The following BACH2 variants were observed in gnomAD, a reference collection of about 807,000 sequenced individuals.
The protein encoded by BACH2 is BACH transcriptional regulator 2.
A neutral mutation model predicts 61.8 loss-of-function variants in BACH2; 5 were observed. That is an observed-to-expected ratio of 0.08 (90% CI 0.04 to 0.17). The LOEUF is 0.17. BACH2 is among the 10% of genes least tolerant of loss of function. The pLI, the probability that BACH2 is intolerant of heterozygous loss-of-function variation, is 1.00. For synonymous variants in BACH2, 446 were observed against 440.1 expected (o/e 1.01, Z -0.17); for missense variants, 824 against 1,091.1 (o/e 0.76, Z 3.45).
chr6:90,213,553 C>T lies in BACH2; in HGVS notation c.-274-6872G>A, dbSNP rs541376054. Among the ~76,000 whole-genome samples the T allele has an allele frequency of 8.5e-5, 13 of 152,264 alleles. No individual in the cohort carries two copies. The South Asian group carries it at 2.3e-3, about 27-fold the overall frequency. ...AGGCAAAGAGAGATAGGGGCCAAGT[C>T]AGTCTGAATATCAACTCCACCTCTC... On this transcript the variant is annotated intron_variant, in intron 3 of 8. Transcript: ENST00000257749.
At chr6:89,964,830 G>A (rs956455904) in intron 6 of BACH2, among the ~76,000 whole-genome samples, 1 of 152,058 alleles carries the variant, frequency 6.6e-6, no homozygotes, top group Non-Finnish European at 1.5e-5. Flanking sequence ...ATCTCCTAGT[G>A]CTCTTCAGAG....
At chr6:90,033,351 T>TAAAAAAA (rs57759686) in intron 5 of BACH2, among the ~76,000 whole-genome samples, 1 of 83,366 alleles carries the variant, frequency 1.2e-5, no homozygotes, top group African/African-American at 3.9e-5. Flanking sequence ...GAAACTTAAA[T>TAAAAAAA]AAAAAAAAAA....
In BACH2 at chr6:89,958,284, C is replaced by T. The variant is rs1248455736; in HGVS notation, c.244-6422G>A. Among the ~76,000 whole-genome samples the T allele has an allele frequency of 3.3e-5, 5 of 152,176 alleles. No homozygotes were observed. In the East Asian group the frequency reaches 7.7e-4, roughly 23 times the overall value. On this transcript the variant is annotated intron_variant, in intron 6 of 8. Coordinates refer to ENST00000257749, the MANE Select transcript of BACH2 (RefSeq NM_021813.4). ...GCATGAGCCACTGTGTCCATCCATA[C>T]TCATTTTTTCATTCTCCAACGATGT... is the stretch of plus-strand genomic sequence containing the variant.
chr6:89,947,903 T>C (rs1773843486), intron 7 of BACH2, among the ~76,000 whole-genome samples: 1 of 151,802 alleles, frequency 6.6e-6, no homozygotes, highest in Admixed American at 6.6e-5. Flanking sequence ...AAAATAAGAG[T>C]ATTTTTAAAA....
intron 4 of BACH2, among the ~76,000 whole-genome samples, chr6:90,101,831 C>T (rs1480608406): frequency 6.6e-6 from 1 of 152,134 alleles, no homozygotes; most frequent in African/African-American, 2.4e-5. Context: ...TAATTTCTTT[C>T]TATAGTATTC....
chr6:90,008,789 T>A lies in BACH2; in HGVS notation c.56A>T (p.His19Leu). 6.2e-7 allele frequency: 1 copy of A among 1,614,158 alleles called. No homozygotes were observed. The highest frequency in any genetic ancestry group is 8.5e-7 in the Non-Finnish European group (1 of 1,180,032). The change falls in exon 6 of 9, where the codon CAC becomes CTC. Residue 19 changes from histidine (H) to leucine (L), a missense_variant. This residue lies in a region of BACH2 where 66 missense variants were observed against 144.8 expected (regional missense o/e 0.46). Coordinates refer to ENST00000257749, the MANE Select transcript of BACH2 (RefSeq NM_021813.4). This position sits in a 1 kb window ranked among gnomAD's most constrained non-coding sequence, Gnocchi z 4.1. ...GAGGCCCAGGAGGATGTTGGTGCAG[T>A]GGACTGTGGACTCATACACATACAT... The part of the protein sequence containing the change: ...SPMYVYESTV[H>L]CTNILLGLND...
chr6:90,147,442 G>C (rs184466450), intron 4 of BACH2, among the ~76,000 whole-genome samples: 1 of 152,072 alleles, frequency 6.6e-6, no homozygotes, highest in African/African-American at 2.4e-5. Context: ...ACATGCTGCC[G>C]TAACAGTACA....
At chr6:89,976,732 A>G (rs1775673615) in intron 6 of BACH2, among the ~76,000 whole-genome samples, 1 of 152,216 alleles carries the variant, frequency 6.6e-6, no homozygotes, top group African/African-American at 2.4e-5. Context: ...GCCCTGTTTG[A>G]TCATATAAAA....
intron 6 of BACH2, among the ~76,000 whole-genome samples, chr6:89,955,151 G>A (rs1389403333): frequency 6.6e-6 from 1 of 152,250 alleles, no homozygotes; most frequent in African/African-American, 2.4e-5. Context: ...GAAGCAGGGA[G>A]GTGAAGGAGT....
chr6:90,218,819 A>C (rs1390849634), intron 3 of BACH2, among the ~76,000 whole-genome samples: 1 of 152,124 alleles, frequency 6.6e-6, no homozygotes, highest in Non-Finnish European at 1.5e-5. Context: ...CTTCAAATGC[A>C]GGGCCTCTGA....
chr6:90,166,130 A>G (rs1271850563), intron 4 of BACH2, among the ~76,000 whole-genome samples: 1 of 152,186 alleles, frequency 6.6e-6, no homozygotes, highest in African/African-American at 2.4e-5. Context: ...GCAACCTACA[A>G]AATGGGAGAA....
chr6:90,172,089 C>G (rs62408207), intron 4 of BACH2, among the ~76,000 whole-genome samples: 11 of 152,032 alleles, frequency 7.2e-5, no homozygotes, highest in Non-Finnish European at 1.3e-4. Context: ...AGGTGGATCA[C>G]GAGGTCAGTA....
At chr6:90,294,997 T>C (rs185314222) in intron 1 of BACH2, among the ~76,000 whole-genome samples, 1 of 152,232 alleles carries the variant, frequency 6.6e-6, no homozygotes, top group Non-Finnish European at 1.5e-5. Context: ...ATTACCCTTT[T>C]TAGTTAAATA....
intron 3 of BACH2, among the ~76,000 whole-genome samples, chr6:90,213,529 G>A (rs1460378385): frequency 6.6e-6 from 1 of 152,116 alleles, no homozygotes; most frequent in African/African-American, 2.4e-5. Flanking sequence ...GAGAAGAGTA[G>A]GCAAAGAGAG....
At chr6:89,967,139 G>T (rs1378947731) in intron 6 of BACH2, among the ~76,000 whole-genome samples, 1 of 152,226 alleles carries the variant, frequency 6.6e-6, no homozygotes, top group East Asian at 1.9e-4. Context: ...GGTAAGAAAA[G>T]GAAGTAAGTC....
chr6:90,133,102 C>G (rs1784132253), intron 4 of BACH2, among the ~76,000 whole-genome samples: 1 of 152,208 alleles, frequency 6.6e-6, no homozygotes, highest in Non-Finnish European at 1.5e-5. Context: ...TTTCTTGTCT[C>G]TTCAACTAGA....
At chr6:90,133,696 C>A (rs950029935) in intron 4 of BACH2, among the ~76,000 whole-genome samples, 2 of 152,106 alleles carry the variant, frequency 1.3e-5, no homozygotes, top group Non-Finnish European at 2.9e-5. Flanking sequence ...CCACCCTCCC[C>A]ACACCCCACA....
At chr6:90,247,059 T>C (rs1482333648) in intron 3 of BACH2, among the ~76,000 whole-genome samples, 1 of 152,194 alleles carries the variant, frequency 6.6e-6, no homozygotes, top group Non-Finnish European at 1.5e-5. Context: ...GTTTTTACTG[T>C]TTAATGAAAA....
intron 5 of BACH2, among the ~76,000 whole-genome samples, chr6:90,062,425 A>G (rs1780732414): frequency 6.6e-6 from 1 of 151,312 alleles, no homozygotes; most frequent in South Asian, 2.1e-4. Context: ...GAGGTCTTAG[A>G]GGACTTCTAG....
Sources: allele counts gnomAD v4.1 joint callset (sites outside exome capture counted in the v4.1 genomes callset), GRCh38; gene constraint gnomAD v4.1.1; regional missense constraint gnomAD v4.1.1; non-coding constraint Gnocchi (gnomAD v3.1); transcripts MANE v1.5; gene names NCBI Gene and HGNC (gene_info 2026-07-23, HGNC 2026-07-21).